The following WDR62 variants were observed in gnomAD, a reference collection of about 807,000 sequenced individuals.
WDR62 encodes the protein WD repeat domain 62.
WDR62 carries 112 observed loss-of-function variants against 160.6 expected under a neutral mutation model. The observed-to-expected ratio is 0.70, with a 90% CI of 0.60 to 0.82. The LOEUF (loss-of-function observed/expected upper bound fraction) is 0.82. WDR62 is among the 40% of genes least tolerant of loss of function. WDR62 has a pLI of 0.00. For missense variants in WDR62, 1,819 were observed against 1,983.8 expected (o/e 0.92, Z 1.58); for synonymous variants, 792 against 815.1 (o/e 0.97, Z 0.48).
At chr19:36,069,699 A>G (rs1417282934) in intron 7 of WDR62, among the ~76,000 whole-genome samples, 1 of 152,264 alleles carries the variant, frequency 6.6e-6, no homozygotes, top group Admixed American at 6.5e-5. Flanking sequence ...AGCCTGGGAA[A>G]CATTGAGCAC....
At chr19:36,091,667 C>T (rs1399742206) in intron 18 of WDR62, among the ~76,000 whole-genome samples, 8 of 151,794 alleles carry the variant, frequency 5.3e-5, no homozygotes, top group Middle Eastern at 3.4e-3. Context: ...GACGCTGAGG[C>T]GGGTGGATCA....
At chr19:36,088,239 A>G (rs1039478971) in intron 13 of WDR62, among the ~76,000 whole-genome samples, 1 of 152,172 alleles carries the variant, frequency 6.6e-6, no homozygotes, top group Non-Finnish European at 1.5e-5. Context: ...CTGTAAAGAA[A>G]TGAGACGGCC....
chr19:36,056,497 T>C (rs1039621934), intron 1 of WDR62, among the ~76,000 whole-genome samples: 1 of 152,230 alleles, frequency 6.6e-6, no homozygotes, highest in Non-Finnish European at 1.5e-5. Context: ...TCTGCCTGTC[T>C]GGCTCCTTCC....
intron 18 of WDR62, among the ~76,000 whole-genome samples, chr19:36,092,250 G>C (rs1315817317): frequency 6.6e-6 from 1 of 151,434 alleles, no homozygotes; most frequent in African/African-American, 2.4e-5. Flanking sequence ...GGTAGAAGTT[G>C]CAGTGAGCTG....
At position 36,054,940 on chromosome 19, in the gene WDR62, G is replaced by C; in HGVS notation, c.-32G>C. 1 of 1,561,188 alleles carries C rather than the reference G, an allele frequency of 6.4e-7. No individual in the cohort carries two copies. Reference sequence around the variant, plus strand: ...GGCGGTGGCGGCAGCGGCGGTTAGGGGATGTAACGGTCGCCCGCCTCCGGC... The same window carrying C: ...GGCGGTGGCGGCAGCGGCGGTTAGGCGATGTAACGGTCGCCCGCCTCCGGC... On this transcript the variant is annotated 5_prime_UTR_variant, in exon 1 of 32. Coordinates refer to ENST00000401500, the MANE Select transcript of WDR62 (RefSeq NM_001083961.2).
At chr19:36,066,646 A>T (rs1970959707) in intron 5 of WDR62, among the ~76,000 whole-genome samples, 1 of 152,226 alleles carries the variant, frequency 6.6e-6, no homozygotes, top group South Asian at 2.1e-4. Flanking sequence ...ACCAGCTGTG[A>T]CCTTAGGCAA....
At position 36,100,790 on chromosome 19, in the gene WDR62, C is replaced by T. The variant is rs12610991; in HGVS notation, c.2782C>T (p.Leu928=). Residue 928 remains leucine, a synonymous_variant, in exon 23 of 32, where the codon CTG becomes TTG. Transcript: ENST00000401500. Reference sequence around the variant, plus strand: ...AGCTGGCCGCGGGCACCCCTCCTTCCTGCCCCAGCAGAAGGAATCATCTGA... The same window carrying T: ...AGCTGGCCGCGGGCACCCCTCCTTCTTGCCCCAGCAGAAGGAATCATCTGA... ...QEAGRGHPSF[L]PQQKESSEAS... is the part of the protein sequence containing the mutation. 6.2e-6 allele frequency: 10 copies of T among 1,614,220 alleles called. No homozygotes were observed. The highest frequency in any genetic ancestry group is 1.1e-5 in the South Asian group (1 of 91,088).
chr19:36,098,755 A>G (rs775374775), intron 21 of WDR62, among the ~76,000 whole-genome samples: 6 of 152,178 alleles, frequency 3.9e-5, no homozygotes, highest in Admixed American at 1.3e-4. Context: ...TACCTACCAG[A>G]CATCCATACA....
At position 36,059,072 on chromosome 19, in the gene WDR62, G is replaced by A. The variant is rs1015051827; in HGVS notation, c.269+201G>A. On this transcript the variant is annotated intron_variant, in intron 2 of 31. Transcript: ENST00000401500. ...GTTCCTGGCATGTAGTGAGTGCAAT[G>A]AAAGCCTTTATTATGACTACAGGGG... 8 of 704,316 alleles carry A rather than the reference G, an allele frequency of 1.1e-5. No homozygotes were observed. The African/African-American group carries it at 1.2e-4, about 11-fold the overall frequency. The allele number at this position is 704,316 out of a possible 1,614,324, so 43.6% of individuals were successfully genotyped here.
chr19:36,107,188 C>T (rs1383824099), downstream of WDR62, among the ~76,000 whole-genome samples: 37 of 152,200 alleles, frequency 2.4e-4, no homozygotes, highest in Non-Finnish European at 4.4e-5. Context: ...CTCTCCTGCT[C>T]TGTTATCCTC....
chr19:36,097,194 G>T, intron 21 of WDR62, 115 bp downstream of exon 21: 2 of 1,009,376 alleles, frequency 2.0e-6, no homozygotes, highest in Non-Finnish European at 3.1e-6. Flanking sequence ...GAGAAGCCCT[G>T]TCATCCTTCC....
At chr19:36,108,911 T>C (rs562985780), downstream of WDR62, among the ~76,000 whole-genome samples, 1 of 151,310 alleles carries the variant, frequency 6.6e-6, no homozygotes, top group South Asian at 2.1e-4. Context: ...GTCTGCCACA[T>C]GCCAGGCCCC....
At chr19:36,084,009 TGTCTGGAGTGGCAAAACGGTACCAAGA>T (rs1186311197) in intron 11 of WDR62, among the ~76,000 whole-genome samples, 1 of 152,180 alleles carries the variant, frequency 6.6e-6, no homozygotes, top group Non-Finnish European at 1.5e-5. Flanking sequence ...GACATGGCAC[TGTCTGGAGTGGCAAAACGGTACCAAGA>T]GCCAACATGG....
chr19:36,078,152 G>GT (rs60096728), intron 9 of WDR62, among the ~76,000 whole-genome samples: 2,006 of 138,050 alleles, frequency 0.015, 36 homozygotes, highest in African/African-American at 0.039. Context: ...AAGTTTTTTT[G>GT]TTTTTTTTTT....
chr19:36,104,522 A>G lies in WDR62; in HGVS notation c.4158A>G (p.Ala1386=), dbSNP rs1470780343. ...ATTCCCTTCTCTCTACCCCAGGTGC[A>G]CTTGGTCTGTTACAGGGCAGCCCTG... is the stretch of plus-strand genomic sequence containing the variant. ...TASLLEPTSG[A]LGLLQGSPAR... is the part of the protein sequence containing the mutation. The change falls in exon 31 of 32, where the codon GCA becomes GCG. Residue 1386 remains alanine, a synonymous_variant. Transcript: ENST00000401500. The G allele has an allele frequency of 6.2e-7, 1 of 1,613,768 alleles. No individual in the cohort carries two copies. Among genetic ancestry groups the G allele is most frequent in the Non-Finnish European group, 8.5e-7 (1 of 1,179,930 alleles).
chr19:36,071,367 A>G (rs546773612), intron 7 of WDR62, among the ~76,000 whole-genome samples, 189 bp from the exon 8 acceptor site: 11 of 152,300 alleles, frequency 7.2e-5, no homozygotes, highest in Non-Finnish European at 1.3e-4. Context: ...CTGCTGGCAC[A>G]TGTCTTTCAA....
At chr19:36,066,709 A>G (rs1203967443) in intron 5 of WDR62, among the ~76,000 whole-genome samples, 2 of 152,218 alleles carry the variant, frequency 1.3e-5, no homozygotes, top group African/African-American at 2.4e-5. Flanking sequence ...TGGATATAGT[A>G]GTACTTATCT....
chr19:36,101,561 C>T, intron 24 of WDR62, 103 bp from the exon 25 acceptor site: 1 of 925,854 alleles, frequency 1.1e-6, no homozygotes, highest in Non-Finnish European at 1.7e-6. Flanking sequence ...CTCTTACCAT[C>T]CCTCCTCCAG....
At chr19:36,109,403 C>G (rs962612823), downstream of WDR62, among the ~76,000 whole-genome samples, 2 of 152,128 alleles carry the variant, frequency 1.3e-5, no homozygotes, top group East Asian at 1.9e-4. Flanking sequence ...CATGGACTTA[C>G]GCGATCATTT....
Sources: allele counts gnomAD v4.1 joint callset (sites outside exome capture counted in the v4.1 genomes callset), GRCh38; gene constraint gnomAD v4.1.1; transcripts MANE v1.5; gene names NCBI Gene and HGNC (gene_info 2026-07-23, HGNC 2026-07-21).